Variants in WAC observed in about 807,000 individuals in gnomAD.
WAC encodes the protein WW domain containing adaptor with coiled-coil, also known as WW domain-containing adapter protein with coiled-coil.
In WAC, 11 loss-of-function variants were observed where a neutral mutation model predicts 79.6. The ratio of observed to expected loss-of-function variants is 0.14; its 90% CI spans 0.09 to 0.23. The LOEUF (loss-of-function observed/expected upper bound fraction) is 0.23, where lower values mean the gene tolerates loss of function less well. Ranked by LOEUF, WAC falls within the 10% of genes least tolerant of loss-of-function variation. The probability of loss-of-function intolerance (pLI) is 1.00; values close to 1 mark genes in which losing one functional copy is unlikely to be tolerated. For missense variants in WAC, 728 were observed against 773.5 expected (o/e 0.94, Z 0.70); for synonymous variants, 304 against 276.9 (o/e 1.10, Z -0.97).
chr10:28,602,325 A>C (rs922100125), intron 7 of WAC, among the ~76,000 whole-genome samples: 39 of 152,356 alleles, frequency 2.6e-4, no homozygotes, highest in Non-Finnish European at 5.6e-4. Flanking sequence ...GTAAAACAGC[A>C]TATTTATATA....
intron 3 of WAC, among the ~76,000 whole-genome samples, chr10:28,582,894 T>C (rs1436514109): frequency 6.6e-6 from 1 of 152,184 alleles, no homozygotes; most frequent in Non-Finnish European, 1.5e-5. Context: ...TGAGACTCTT[T>C]AACTTCTTGA....
At chr10:28,559,063 G>A (rs1217932456) in intron 3 of WAC, among the ~76,000 whole-genome samples, 1 of 151,840 alleles carries the variant, frequency 6.6e-6, no homozygotes, top group Non-Finnish European at 1.5e-5. Flanking sequence ...AATATATCAG[G>A]CAGCCTAGTG....
chr10:28,597,253 A>G, intron 7 of WAC, among the ~76,000 whole-genome samples: 1 of 152,144 alleles, frequency 6.6e-6, no homozygotes, highest in East Asian at 1.9e-4. Context: ...CCTGTGACAT[A>G]TTTGCAAAGA....
intron 3 of WAC, among the ~76,000 whole-genome samples, chr10:28,557,571 A>G (rs139942220): frequency 1.3e-5 from 2 of 151,900 alleles, no homozygotes; most frequent in Non-Finnish European, 2.9e-5. Flanking sequence ...GTGTGCCCCT[A>G]TGGTCTCAGC....
In WAC at chr10:28,612,480, A is replaced by G. The variant is rs557379617; in HGVS notation, c.1437+558A>G. Among the ~76,000 whole-genome samples the G allele has an allele frequency of 8.5e-5, 13 of 152,320 alleles. No homozygotes were observed. In the South Asian group the frequency reaches 2.7e-3, roughly 32 times the overall value. On this transcript the variant is annotated intron_variant, in intron 10 of 13. Transcript: ENST00000354911. ...TATTGCCTGTATTTGTCCCAGCAGA[A>G]TCTTACATGGTTGGCTCCATAGGTG...
intron 3 of WAC, among the ~76,000 whole-genome samples, chr10:28,544,137 C>T (rs1190883974): frequency 2.6e-5 from 4 of 152,226 alleles, no homozygotes; most frequent in African/African-American, 9.6e-5. Flanking sequence ...TTCGCCTCAG[C>T]CTCCCAAAGT....
Position 28,622,487 on chromosome 10 carries a change from C to T in WAC, c.*2881C>T, listed in dbSNP as rs986713666. ...GTCTCTATTCAAACTTTTAAAATGT[C>T]GTGGTATTGTAACAATATATTTGAT... On this transcript the variant is annotated 3_prime_UTR_variant, in exon 14 of 14. Coordinates refer to ENST00000354911, the MANE Select transcript of WAC (RefSeq NM_016628.5). 6.2e-5 allele frequency: 8 copies of T among 129,680 alleles called. No homozygotes were observed. The South Asian group carries it at 7.5e-4, about 12-fold the overall frequency. The allele number at this position is 129,680 out of a possible 1,614,324, so 8.0% of individuals were successfully genotyped here. A position where few individuals can be genotyped will look rare whatever the true frequency, so the allele number is the denominator to read the frequency against.
intron 7 of WAC, among the ~76,000 whole-genome samples, chr10:28,596,963 T>C (rs188909466): frequency 3.7e-3 from 556 of 152,268 alleles, no homozygotes; most frequent in African/African-American, 0.012. Flanking sequence ...AAAGAACTTG[T>C]AGCCCCCTTA....
intron 7 of WAC, among the ~76,000 whole-genome samples, chr10:28,604,709 G>A (rs1840850356): frequency 6.6e-6 from 1 of 152,148 alleles, no homozygotes; most frequent in African/African-American, 2.4e-5. Context: ...GACAGAGAAC[G>A]ACTGTATCTC....
At chr10:28,543,452 CACATTTCAGT>C (rs897588275) in intron 3 of WAC, among the ~76,000 whole-genome samples, 1 of 152,222 alleles carries the variant, frequency 6.6e-6, no homozygotes, top group Non-Finnish European at 1.5e-5. Context: ...ACATTTACAG[CACATTTCAGT>C]TTGGACAAGC....
chr10:28,583,293 T>A, intron 3 of WAC, 106 bp from the exon 4 acceptor site: 1 of 768,296 alleles, frequency 1.3e-6, no homozygotes, highest in Non-Finnish European at 2.0e-6. Flanking sequence ...TTATGTAAGA[T>A]GTTCGTTTAG....
At chr10:28,541,100 T>A (rs1012778604) in intron 3 of WAC, among the ~76,000 whole-genome samples, 3 of 152,186 alleles carry the variant, frequency 2.0e-5, no homozygotes, top group Non-Finnish European at 4.4e-5. Context: ...GATCCTTAGA[T>A]CCTTAAGACA....
chr10:28,616,748 C>T (rs1841485963), intron 12 of WAC, among the ~76,000 whole-genome samples: 1 of 152,218 alleles, frequency 6.6e-6, no homozygotes, highest in South Asian at 2.1e-4. Flanking sequence ...ACTTTTTCCA[C>T]TCAGCTTCTC....
chr10:28,590,147 C>A (rs1840011650), intron 5 of WAC, among the ~76,000 whole-genome samples: 1 of 151,732 alleles, frequency 6.6e-6, no homozygotes, highest in Non-Finnish European at 1.5e-5. Flanking sequence ...ATAGTGAGAC[C>A]CTGCCTCTAC....
chr10:28,542,666 G>T (rs532330999), intron 3 of WAC, among the ~76,000 whole-genome samples: 1 of 152,190 alleles, frequency 6.6e-6, no homozygotes, highest in African/African-American at 2.4e-5. Context: ...AACATCAAAT[G>T]TGGATGGACC....
At chr10:28,613,137 G>A (rs998550607) in intron 10 of WAC, among the ~76,000 whole-genome samples, 2 of 152,152 alleles carry the variant, frequency 1.3e-5, no homozygotes, top group Non-Finnish European at 2.9e-5. Context: ...GGAGGCCGAG[G>A]CAGGCAGATC....
chr10:28,593,192 A>T (rs1463892856), intron 6 of WAC, among the ~76,000 whole-genome samples: 1 of 152,086 alleles, frequency 6.6e-6, no homozygotes, highest in African/African-American at 2.4e-5. Flanking sequence ...TTGCTTTTTT[A>T]AAAAATTGGT....
At chr10:28,588,698 A>AT (rs961057227) in intron 4 of WAC, 8 of 152,062 alleles carry the variant, frequency 5.3e-5, no homozygotes, top group Admixed American at 3.9e-4. Flanking sequence ...ACATTATTTC[A>AT]TTTTTTTAAG....
chr10:28,557,065 G>GTTTT (rs56371219), intron 3 of WAC, among the ~76,000 whole-genome samples: 1 of 145,712 alleles, frequency 6.9e-6, no homozygotes, highest in Non-Finnish European at 1.5e-5. Context: ...AATTTTGGGA[G>GTTTT]TTTTTTTTTT....
Sources: gnomAD v4.1 joint callset for allele counts (sites outside exome capture counted in the v4.1 genomes callset) on GRCh38, gnomAD v4.1.1 for gene constraint, MANE v1.5 for transcripts, NCBI Gene and HGNC (gene_info 2026-07-23, HGNC 2026-07-21) for gene names.